ZFP90: variants seen among roughly 807,000 people sequenced by gnomAD.
ZFP90 encodes ZFP90 zinc finger protein, also known as zinc finger protein 90 homolog.
In ZFP90, 38 loss-of-function variants were observed where a neutral mutation model predicts 60.8. The observed-to-expected ratio is 0.62, with a 90% CI of 0.48 to 0.82. The LOEUF is 0.82. ZFP90 is among the 40% of genes least tolerant of loss of function. The pLI, the probability that ZFP90 is intolerant of heterozygous loss-of-function variation, is 0.00. For synonymous variants in ZFP90, 287 were observed against 264.8 expected (o/e 1.08, Z -0.82); for missense variants, 711 against 759.1 (o/e 0.94, Z 0.74).
chr16:68,562,607 G>A (rs987450158), intron 4 of ZFP90: 7 of 195,512 alleles, frequency 3.6e-5, no homozygotes, highest in African/African-American at 9.4e-5. Flanking sequence ...GATTTTCTCT[G>A]CAGCATTTGG....
At position 68,564,763 on chromosome 16, in the gene ZFP90, A is replaced by G; in HGVS notation, c.*65A>G. 3.3e-6 allele frequency: 5 copies of G among 1,517,154 alleles called. No individual in the cohort carries two copies. The highest frequency in any genetic ancestry group is 4.4e-6 in the Non-Finnish European group (5 of 1,138,622). The allele number at this position is 1,517,154 out of a possible 1,614,324, so 94.0% of individuals were successfully genotyped here. A position where few individuals can be genotyped will look rare whatever the true frequency, so the allele number is the denominator to read the frequency against. ...AAATGTTCTGATTCAGGATCAGAGG[A>G]TTCTTAGAGAGCTTGGGAATGTAAT... On this transcript the variant is annotated 3_prime_UTR_variant, in exon 5 of 5. Coordinates refer to ENST00000563169, the MANE Select transcript of ZFP90 (RefSeq NM_001305203.2).
intron 2 of ZFP90, among the ~76,000 whole-genome samples, chr16:68,544,554 G>A (rs2091110971): frequency 1.3e-5 from 2 of 152,142 alleles, no homozygotes; most frequent in African/African-American, 4.8e-5. Context: ...TCAGGGCCTG[G>A]TCTCTGTTGA....
chr16:68,570,036 A>G (rs538188860), downstream of ZFP90, among the ~76,000 whole-genome samples: 26 of 101,158 alleles, frequency 2.6e-4, no homozygotes, highest in African/African-American at 1.1e-3. Context: ...CTCAAATTAT[A>G]TGTGTGTGTG....
At chr16:68,556,147 G>A (rs1442164603) in intron 2 of ZFP90, among the ~76,000 whole-genome samples, 1 of 152,150 alleles carries the variant, frequency 6.6e-6, no homozygotes, top group African/African-American at 2.4e-5. Flanking sequence ...TCCAAGCTGG[G>A]TGAGAGAGTG....
chr16:68,556,930 A>T (rs72783090), intron 2 of ZFP90, among the ~76,000 whole-genome samples: 4,322 of 152,308 alleles, frequency 0.028, 99 homozygotes, highest in Non-Finnish European at 0.039. Context: ...AACAAGTTTG[A>T]TGTAGTCAAG....
At chr16:68,558,693 C>G (rs2091387246) in intron 4 of ZFP90, 125 bp downstream of exon 4, 4 of 760,834 alleles carry the variant, frequency 5.3e-6, no homozygotes, top group Non-Finnish European at 8.7e-6. Context: ...GAAGCCATCG[C>G]CTGGCCGACA....
At chr16:68,542,783 C>G (rs546320543) in intron 2 of ZFP90, among the ~76,000 whole-genome samples, 2 of 152,200 alleles carry the variant, frequency 1.3e-5, no homozygotes, top group African/African-American at 4.8e-5. Flanking sequence ...CCTTGTAACT[C>G]GTTCATTCAT....
chr16:68,560,709 A>G (rs2091427654), intron 4 of ZFP90, among the ~76,000 whole-genome samples: 1 of 151,682 alleles, frequency 6.6e-6, no homozygotes, highest in Non-Finnish European at 1.5e-5. Context: ...GGCACGCACC[A>G]ACTCGCCTGG....
intron 2 of ZFP90, among the ~76,000 whole-genome samples, chr16:68,547,264 C>G (rs2091168189): frequency 6.6e-6 from 1 of 152,164 alleles, no homozygotes; most frequent in African/African-American, 2.4e-5. Context: ...CCCCCCAACC[C>G]TTGTTATTTT....
At chr16:68,562,914 T>C in intron 4 of ZFP90, 130 bp from the exon 5 acceptor site, 4 of 1,540,426 alleles carry the variant, frequency 2.6e-6, no homozygotes, top group Non-Finnish European at 3.5e-6. Context: ...TTTTGGGTCG[T>C]CTTCTCAGGA....
intron 1 of ZFP90, 123 bp from the exon 2 acceptor site, chr16:68,539,635 G>A (rs187563872): frequency 1.5e-4 from 111 of 757,134 alleles, no homozygotes; most frequent in Non-Finnish European, 2.1e-4. Context: ...GGCCCGGGCT[G>A]GTTCCACGGT....
chr16:68,574,961 A>C (rs1458584852), intron 2 of ZFP90, among the ~76,000 whole-genome samples: 1 of 151,584 alleles, frequency 6.6e-6, no homozygotes, highest in Admixed American at 6.6e-5. Flanking sequence ...AAAAAGAGAC[A>C]CTGTGAAACC....
At position 68,539,763 on chromosome 16, in the gene ZFP90, G is replaced by GC. The variant is rs1367643146; in HGVS notation, c.-26dup. On this transcript the variant is annotated 5_prime_UTR_variant, in exon 2 of 5. Transcript: ENST00000563169. ...GCCCTGTCCTTTCTCCCCAGCTCCT[G>GC]CCCCGGAGCCGGGCCCTGGCGAGGC... 11 of 1,569,176 alleles carry GC rather than the reference G, an allele frequency of 7.0e-6. No individual in the cohort carries two copies. The highest frequency in any genetic ancestry group is 8.6e-6 in the Non-Finnish European group (10 of 1,157,932).
At chr16:68,545,679 G>GT (rs1217899539) in intron 2 of ZFP90, among the ~76,000 whole-genome samples, 1 of 152,114 alleles carries the variant, frequency 6.6e-6, no homozygotes, top group African/African-American at 2.4e-5. Context: ...GCCAGGCATG[G>GT]TGGCCGGTGC....
At chr16:68,560,739 T>TA (rs2091428134) in intron 4 of ZFP90, among the ~76,000 whole-genome samples, 1 of 151,558 alleles carries the variant, frequency 6.6e-6, no homozygotes, top group African/African-American at 2.4e-5. Context: ...GTATTTTTAG[T>TA]AGAGATGGGG....
rs1490190044 is a variant in ZFP90 at position 68,552,244 on chromosome 16, A to G, written c.34-5754A>G. On this transcript the variant is annotated intron_variant, in intron 2 of 4. Coordinates refer to ENST00000563169, the MANE Select transcript of ZFP90 (RefSeq NM_001305203.2). ...CTTCCACCAAGAGTGCATTTTACCTATTTACTCCGGCAAACTTTTGATTGT... is the reference window on the plus strand; with the variant it reads ...CTTCCACCAAGAGTGCATTTTACCTGTTTACTCCGGCAAACTTTTGATTGT... 2.6e-5 allele frequency among the ~76,000 whole-genome samples: 4 copies of G among 152,128 alleles called. No homozygotes were observed. The East Asian group carries it at 5.8e-4, about 22-fold the overall frequency.
chr16:68,572,921 GATCTCTA>G (rs1301363903), intron 2 of ZFP90, among the ~76,000 whole-genome samples: 1 of 152,238 alleles, frequency 6.6e-6, no homozygotes, highest in Non-Finnish European at 1.5e-5. Flanking sequence ...GCAGAGTGGA[GATCTCTA>G]AGGGTCTGCA....
At chr16:68,539,863 CATCT>C (rs1567392189) in intron 2 of ZFP90, 38 bp downstream of exon 2, 16 of 1,598,516 alleles carry the variant, frequency 1.0e-5, no homozygotes, top group Non-Finnish European at 1.2e-5. Context: ...GCATCCCATC[CATCT>C]ATCCATCCCA....
chr16:68,539,452 C>G lies in ZFP90; in HGVS notation c.-63C>G. 1 of 368,862 alleles carries G rather than the reference C, an allele frequency of 2.7e-6. No individual in the cohort carries two copies. The highest frequency in any genetic ancestry group is 4.9e-6 in the Non-Finnish European group (1 of 205,286). The allele number at this position is 368,862 out of a possible 1,614,324, so 22.8% of individuals were successfully genotyped here. ...TGGGTGGGCCGGAGGTCGCGAAATC[C>G]GGAGCCCCCCAGAGGCGGTGATTCT... On this transcript the variant is annotated 5_prime_UTR_variant, in exon 1 of 5. Transcript: ENST00000563169.
Sources: allele counts gnomAD v4.1 joint callset (sites outside exome capture counted in the v4.1 genomes callset), GRCh38; gene constraint gnomAD v4.1.1; transcripts MANE v1.5; gene names NCBI Gene and HGNC (gene_info 2026-07-23, HGNC 2026-07-21).